ICA1L: variants seen among roughly 807,000 people sequenced by gnomAD.
ICA1L encodes the protein islet cell autoantigen 1-like protein.
Under a neutral mutation model 61.3 loss-of-function variants are expected in ICA1L, and 50 were observed. That is an observed-to-expected ratio of 0.82 (90% CI 0.65 to 1.03). The LOEUF (loss-of-function observed/expected upper bound fraction) is 1.03. Among genes scored for constraint, ICA1L ranks in the 50% least tolerant of loss-of-function variants. ICA1L has a pLI of 0.00. For missense variants in ICA1L, 508 were observed against 556.7 expected, an observed-to-expected ratio of 0.91 and a Z score of 0.88; for synonymous variants, 161 against 191.3, an observed-to-expected ratio of 0.84 and a Z score of 1.31.
At chr2:202,828,690 A>C (rs1257141559) in intron 2 of ICA1L, among the ~76,000 whole-genome samples, 158 bp downstream of exon 2, 10 of 152,224 alleles carry the variant, frequency 6.6e-5, no homozygotes. Context: ...GTGACCTCCT[A>C]TTCAGAGCTC....
rs374430398 is a variant in ICA1L at position 202,807,244 on chromosome 2, A to C, written c.910+4502T>G. 5.6e-4 allele frequency among the ~76,000 whole-genome samples: 86 copies of C among 152,374 alleles called. No homozygotes were observed. The East Asian group carries it at 6.0e-3, about 11-fold the overall frequency. ...TAGGAAAGACAGTCTTGAATTGCCA[A>C]CACCACCATTCCACCATCTCTTGGC... is the stretch of plus-strand genomic sequence containing the variant. On this transcript the variant is annotated intron_variant, in intron 9 of 12. Coordinates refer to ENST00000358299, the MANE Select transcript of ICA1L (RefSeq NM_001288622.3).
chr2:202,801,732 C>T (rs1693090428), intron 9 of ICA1L, among the ~76,000 whole-genome samples: 1 of 152,196 alleles, frequency 6.6e-6, no homozygotes, highest in Non-Finnish European at 1.5e-5. Flanking sequence ...GGCAGGTGTG[C>T]TGTGGGCAAT....
At chr2:202,869,709 A>T (rs998701849) in intron 1 of ICA1L, 2 of 152,178 alleles carry the variant, frequency 1.3e-5, no homozygotes, top group Admixed American at 6.5e-5. Context: ...CTAAATTAAA[A>T]AAGGAATTTT....
chr2:202,847,422 T>C (rs534604568), intron 1 of ICA1L, among the ~76,000 whole-genome samples: 14 of 152,178 alleles, frequency 9.2e-5, no homozygotes, highest in African/African-American at 3.1e-4. Context: ...TAATAAAAAA[T>C]TGTTTCAAGC....
At chr2:202,828,083 G>A (rs1159676419) in intron 2 of ICA1L, among the ~76,000 whole-genome samples, 5 of 152,056 alleles carry the variant, frequency 3.3e-5, no homozygotes, top group Non-Finnish European at 1.5e-5. Flanking sequence ...TGGCCAACAT[G>A]GAGAAACCCT....
At chr2:202,803,400 CAAAAAAA>C (rs71030990) in intron 9 of ICA1L, among the ~76,000 whole-genome samples, 2 of 60,644 alleles carry the variant, frequency 3.3e-5, no homozygotes, top group Non-Finnish European at 6.1e-5. Context: ...GACTCGATCT[CAAAAAAA>C]AAAAAAAAAA....
intron 12 of ICA1L, among the ~76,000 whole-genome samples, chr2:202,782,609 A>T (rs1042697876): frequency 2.6e-5 from 4 of 151,966 alleles, no homozygotes; most frequent in African/African-American, 7.2e-5. Flanking sequence ...GGGTTTCACC[A>T]TGTTGGCCAG....
chr2:202,855,840 C>A (rs937037179), intron 1 of ICA1L, among the ~76,000 whole-genome samples: 1 of 152,098 alleles, frequency 6.6e-6, no homozygotes, highest in African/African-American at 2.4e-5. Context: ...CTCTGGGAGG[C>A]CAAGGCGGGC....
At chr2:202,815,473 C>T (rs1693507275) in intron 7 of ICA1L, among the ~76,000 whole-genome samples, 1 of 152,074 alleles carries the variant, frequency 6.6e-6, no homozygotes, top group Non-Finnish European at 1.5e-5. Flanking sequence ...AAAAGTAAAA[C>T]AAAGTTTTTC....
intron 1 of ICA1L, among the ~76,000 whole-genome samples, chr2:202,836,668 A>G (rs1325500716): frequency 6.6e-6 from 1 of 151,814 alleles, no homozygotes; most frequent in Non-Finnish European, 1.5e-5. Flanking sequence ...TACTGATTCA[A>G]TCTCCTTACT....
chr2:202,833,472 C>A (rs1001322297), intron 1 of ICA1L, among the ~76,000 whole-genome samples: 1 of 152,130 alleles, frequency 6.6e-6, no homozygotes, highest in Non-Finnish European at 1.5e-5. Context: ...TTAGTCCCAG[C>A]TACTCAGGAG....
Position 202,773,589 on chromosome 2 carries a change from C to A in ICA1L, c.*5944G>T. 2.0e-6 allele frequency: 1 copy of A among 496,876 alleles called. No individual in the cohort carries two copies. The highest frequency in any genetic ancestry group is 3.6e-6 in the Non-Finnish European group (1 of 279,210). 30.8% of individuals were successfully genotyped at this position (496,876 alleles called of 1,614,324 possible). A position where few individuals can be genotyped will look rare whatever the true frequency, so the allele number is the denominator to read the frequency against. On this transcript the variant is annotated 3_prime_UTR_variant, in exon 13 of 13. Transcript: ENST00000358299. ...AAGAAGCGTCTGCAACTTAAGCCGT[C>A]CACAGTCCTAAGCCTGATATGCTCA...
chr2:202,855,020 A>G (rs921797426), intron 1 of ICA1L, among the ~76,000 whole-genome samples: 2 of 152,204 alleles, frequency 1.3e-5, no homozygotes, highest in Non-Finnish European at 2.9e-5. Flanking sequence ...AGCTACATGG[A>G]AACTAAACAA....
intron 1 of ICA1L, among the ~76,000 whole-genome samples, chr2:202,842,064 A>T (rs1396590364): frequency 6.6e-6 from 1 of 152,064 alleles, no homozygotes; most frequent in Admixed American, 6.5e-5. Context: ...CATGTTGGCC[A>T]GGCTGGTCTC....
intron 10 of ICA1L, among the ~76,000 whole-genome samples, chr2:202,795,873 C>T (rs554921758): frequency 1.3e-5 from 2 of 151,670 alleles, no homozygotes; most frequent in East Asian, 3.9e-4. Context: ...GAAACCCCAT[C>T]TCTACTAAAA....
intron 1 of ICA1L, among the ~76,000 whole-genome samples, chr2:202,866,253 A>G (rs1687508866): frequency 1.3e-5 from 2 of 152,246 alleles, no homozygotes; most frequent in South Asian, 4.1e-4. Context: ...CTTACTCTCT[A>G]AGTTCATGTG....
At chr2:202,814,316 GTTCTCTCAGGAA>G (rs1693469195) in intron 8 of ICA1L, among the ~76,000 whole-genome samples, 2 of 152,116 alleles carry the variant, frequency 1.3e-5, no homozygotes, top group South Asian at 4.2e-4. Flanking sequence ...GATTGGATTA[GTTCTCTCAGGAA>G]TGCTTCTGAA....
chr2:202,795,681 G>A (rs1282972263), intron 10 of ICA1L, among the ~76,000 whole-genome samples: 1 of 152,054 alleles, frequency 6.6e-6, no homozygotes, highest in Non-Finnish European at 1.5e-5. Context: ...ATACACCCAA[G>A]TAGAAAAAGA....
chr2:202,856,103 G>T (rs895110366), intron 1 of ICA1L, among the ~76,000 whole-genome samples: 1 of 144,838 alleles, frequency 6.9e-6, no homozygotes, highest in African/African-American at 2.5e-5. Flanking sequence ...GGAAGAAAAA[G>T]AAAAAGAGGG....
Sources: gnomAD v4.1 joint callset for allele counts (sites outside exome capture counted in the v4.1 genomes callset) on GRCh38, gnomAD v4.1.1 for gene constraint, MANE v1.5 for transcripts, NCBI Gene and HGNC (gene_info 2026-07-23, HGNC 2026-07-21) for gene names.